KPNA7: variants seen among roughly 807,000 people sequenced by gnomAD.
KPNA7 encodes karyopherin subunit alpha 7, also known as importin subunit alpha-8.
A neutral mutation model predicts 53.7 loss-of-function variants in KPNA7; 54 were observed. The observed-to-expected ratio is 1.01, with a 90% confidence interval of 0.81 to 1.26. The LOEUF (loss-of-function observed/expected upper bound fraction) is 1.26, where lower values mean the gene tolerates loss of function less well. KPNA7 is among the 50% of genes most tolerant of loss of function. KPNA7 has a pLI of 0.00. For missense variants in KPNA7, 640 were observed against 644.5 expected, an observed-to-expected ratio of 0.99 and a Z score of 0.07; for synonymous variants, 276 against 259.3, an observed-to-expected ratio of 1.06 and a Z score of -0.62.
At chr7:99,202,888 C>A (rs1251588227) in intron 3 of KPNA7, among the ~76,000 whole-genome samples, 10 of 150,222 alleles carry the variant, frequency 6.7e-5, no homozygotes, top group African/African-American at 2.4e-4. Context: ...TCTCCATCCC[C>A]CACTAGAATC....
the KPNA7 span, among the ~76,000 whole-genome samples, chr7:99,146,193 G>A: frequency 1.3e-5 from 2 of 152,150 alleles, no homozygotes; most frequent in African/African-American, 4.8e-5. Context: ...ATCCCCAGGT[G>A]TTCCTGACCT....
chr7:99,202,999 C>G (rs1464116054), intron 3 of KPNA7, 107 bp downstream of exon 3: 18 of 1,364,576 alleles, frequency 1.3e-5, no homozygotes, highest in Non-Finnish European at 1.7e-5. Flanking sequence ...TCTTTAAAAG[C>G]CCAAAACGAG....
rs925189899 is a variant in KPNA7, at chr7:99,215,034, C to A, written c.-23-7545G>T. Among the ~76,000 whole-genome samples, 11 of 152,102 alleles carry A rather than the reference C, an allele frequency of 7.2e-5. No individual in the cohort carries two copies. In the East Asian group the frequency reaches 2.1e-3, roughly 30 times the overall value. Reference sequence around the variant, plus strand: ...CCCAAGACAGCACTCAGCTCTAAGACCATTGCCAAGGGAACTGCTCATCCT... The same window carrying A: ...CCCAAGACAGCACTCAGCTCTAAGAACATTGCCAAGGGAACTGCTCATCCT... On this transcript the variant is annotated intron_variant, in intron 1 of 10. Coordinates refer to the KPNA7 transcript ENST00000681060.
At chr7:99,200,062 C>A (rs375303176) in intron 3 of KPNA7, among the ~76,000 whole-genome samples, 63 of 152,142 alleles carry the variant, frequency 4.1e-4, no homozygotes, top group Middle Eastern at 3.4e-3. Context: ...GCCACCACAC[C>A]CAGCTAATTT....
rs953759927 is a variant in KPNA7, at chr7:99,184,928, C to T, written c.1134+1G>A. 8.4e-6 allele frequency: 13 copies of T among 1,551,668 alleles called. No individual in the cohort carries two copies. Among genetic ancestry groups the T allele is most frequent in the Admixed American group, 2.0e-5 (1 of 50,960 alleles). On this transcript the variant is annotated splice_donor_variant, in intron 8 of 10. Coordinates refer to ENST00000327442, the MANE Select transcript of KPNA7 (RefSeq NM_001145715.3). LOFTEE classifies it high-confidence loss of function. Reference sequence around the variant, plus strand: ...CCATGGTTGCTGTGTGCGCCACTTACGTTTTTTAGCAGAGCCACCAAGGGA... The same window carrying T: ...CCATGGTTGCTGTGTGCGCCACTTATGTTTTTTAGCAGAGCCACCAAGGGA...
the KPNA7 span, among the ~76,000 whole-genome samples, chr7:99,162,386 T>C: frequency 0.013 from 2,023 of 152,256 alleles, 56 homozygotes; most frequent in African/African-American, 0.047. Flanking sequence ...TCTGGGCAAA[T>C]GCAAAAGGTC....
intron 3 of KPNA7, among the ~76,000 whole-genome samples, chr7:99,198,656 A>G (rs1790351422): frequency 6.6e-6 from 1 of 152,144 alleles, no homozygotes; most frequent in African/African-American, 2.4e-5. Flanking sequence ...TCTACAAAAA[A>G]CTCAGAGGTA....
intron 2 of KPNA7, among the ~76,000 whole-genome samples, chr7:99,204,547 C>G (rs991113646): frequency 6.6e-6 from 1 of 152,168 alleles, no homozygotes. Flanking sequence ...GTATTAGATA[C>G]TTTTGGTTCT....
upstream of KPNA7, among the ~76,000 whole-genome samples, chr7:99,209,697 A>T (rs1057457789): frequency 2.3e-5 from 3 of 131,516 alleles, no homozygotes; most frequent in African/African-American, 9.8e-5. Context: ...AAAAAAAAAA[A>T]AAAAAAAAAA....
At chr7:99,215,840 G>A (rs1791205905) in intron 1 of KPNA7, among the ~76,000 whole-genome samples, 1 of 151,952 alleles carries the variant, frequency 6.6e-6, no homozygotes, top group Non-Finnish European at 1.5e-5. Flanking sequence ...CCAGGTGGTT[G>A]CTGTACAACT....
Position 99,213,236 on chromosome 7 carries a change from C to T in KPNA7, c.-23-5747G>A, listed in dbSNP as rs138064597. ...CCGCCTCCCGGGTTCAAGTGATTCT[C>T]CTGTCTCAGCCTCCCAAGTAGCTGG... is the stretch of plus-strand genomic sequence containing the variant. On this transcript the variant is annotated intron_variant, in intron 1 of 10. Coordinates refer to the KPNA7 transcript ENST00000681060. Among the ~76,000 whole-genome samples the T allele has an allele frequency of 1.1e-3, 162 of 151,336 alleles. 1 individual carries two copies. In the East Asian group the frequency reaches 0.019, roughly 18 times the overall value.
At chr7:99,157,169 T>C in the KPNA7 span, among the ~76,000 whole-genome samples, 1 of 152,174 alleles carries the variant, frequency 6.6e-6, no homozygotes, top group African/African-American at 2.4e-5. Flanking sequence ...TGACTGTTTC[T>C]TCTGGGAAAT....
At chr7:99,191,481 T>C (rs1477110336) in intron 6 of KPNA7, among the ~76,000 whole-genome samples, 1 of 152,168 alleles carries the variant, frequency 6.6e-6, no homozygotes, top group Non-Finnish European at 1.5e-5. Context: ...AGGGCCTTTC[T>C]GAAAGATCAG....
At position 99,184,935 on chromosome 7, in the gene KPNA7, T is replaced by C; in HGVS notation, c.1128A>G (p.Leu376=). ...TGCTGTGTGCGCCACTTACGTTTTT[T>C]AGCAGAGCCACCAAGGGAGGCAAGA... ...YDVLPPLVAL[L]KNGEFKVQKE... is the part of the protein sequence containing the mutation. The change falls in exon 8 of 11, where the codon CTA becomes CTG. Residue 376 remains leucine, a synonymous_variant. Transcript: ENST00000327442. 10 of 1,552,076 alleles carry C rather than the reference T, an allele frequency of 6.4e-6. No individual in the cohort carries two copies. Among genetic ancestry groups the C allele is most frequent in the Non-Finnish European group, 6.1e-6 (7 of 1,147,076 alleles).
At chr7:99,213,430 T>TAA (rs61231738) in intron 1 of KPNA7, among the ~76,000 whole-genome samples, 1,242 of 72,898 alleles carry the variant, frequency 0.017, 24 homozygotes, top group Non-Finnish European at 0.023. Context: ...CCTGGCCTTT[T>TAA]AAAAAAAAAA....
At chr7:99,182,148 G>A (rs1329761340) in intron 8 of KPNA7, 83 bp from the exon 9 acceptor site, 4 of 1,094,552 alleles carry the variant, frequency 3.7e-6, no homozygotes, top group Non-Finnish European at 5.2e-6. Context: ...TTTCTAGGGA[G>A]GCTGGTGACA....
chr7:99,188,195 A>AAT, intron 7 of KPNA7, 105 bp downstream of exon 7: 317 of 637,776 alleles, frequency 5.0e-4, no homozygotes, highest in Non-Finnish European at 7.0e-4. Context: ...AAAAAAAAAA[A>AAT]AAAGCAAAGA....
chr7:99,153,394 C>T, the KPNA7 span, among the ~76,000 whole-genome samples: 1 of 151,848 alleles, frequency 6.6e-6, no homozygotes, highest in East Asian at 1.9e-4. Flanking sequence ...CCCATCTCTA[C>T]AAAGATACAA....
the KPNA7 span, among the ~76,000 whole-genome samples, chr7:99,167,450 G>A: frequency 1.8e-4 from 27 of 151,904 alleles, no homozygotes; most frequent in Non-Finnish European, 1.8e-4. Context: ...ACATGCAAGG[G>A]ATCTAGACTG....
Sources: allele counts gnomAD v4.1 joint callset (sites outside exome capture counted in the v4.1 genomes callset), GRCh38; gene constraint gnomAD v4.1.1; transcripts MANE v1.5; gene names NCBI Gene and HGNC (gene_info 2026-07-23, HGNC 2026-07-21).